Variants in SMS observed in about 807,000 individuals in gnomAD.
SMS encodes spermidine aminopropyltransferase.
Under a neutral mutation model 33.0 loss-of-function variants are expected in SMS, and 3 were observed. The observed-to-expected ratio is 0.09, with a 90% CI of 0.04 to 0.23. The LOEUF is 0.23. SMS is among the 10% of genes least tolerant of loss of function. The pLI is 1.00. For synonymous variants in SMS, 103 were observed against 112.2 expected (o/e 0.92, Z 0.52); for missense variants, 117 against 288.6 (o/e 0.41, Z 4.31).
chrX:21,970,595 G>T (rs1051777787), intron 2 of SMS, among the ~76,000 whole-genome samples: 10 of 109,212 alleles, frequency 9.2e-5, no homozygotes, highest in African/African-American at 3.3e-4. Context: ...TAGAGACAGG[G>T]TCTCACTCTG....
intron 9 of SMS, among the ~76,000 whole-genome samples, chrX:21,988,837 G>A (rs1188076050): frequency 9.0e-6 from 1 of 111,022 alleles, no homozygotes; most frequent in African/African-American, 3.3e-5. Context: ...CAGGAAGCTG[G>A]GGAATGCATC....
chrX:21,983,726 A>G (rs1223861810), intron 7 of SMS, among the ~76,000 whole-genome samples: 1 of 111,762 alleles, frequency 8.9e-6, no homozygotes, highest in African/African-American at 3.3e-5. Context: ...AGTGCTTAGT[A>G]TAAAAGAAAA....
intron 2 of SMS, among the ~76,000 whole-genome samples, chrX:21,969,470 T>C (rs1362132381): frequency 3.6e-5 from 4 of 111,985 alleles, no homozygotes; most frequent in African/African-American, 1.3e-4. Context: ...AGGATTACAC[T>C]GAGCCCCTCC....
intron 1 of SMS, among the ~76,000 whole-genome samples, chrX:21,957,225 TTA>T (rs764531589): frequency 9.1e-6 from 1 of 109,850 alleles, no homozygotes; most frequent in Admixed American, 9.7e-5. Context: ...TACCACAAAT[TTA>T]GTCACCTGAC....
intron 4 of SMS, 97 bp from the exon 5 acceptor site, chrX:21,976,964 G>A: frequency 3.6e-6 from 3 of 825,519 alleles, no homozygotes; most frequent in South Asian, 2.0e-5. Flanking sequence ...GTCAAAAGTC[G>A]GCAGTCATGT....
At chrX:21,972,700 G>T (rs888826833) in intron 4 of SMS, 129 bp downstream of exon 4, 30 of 508,276 alleles carry the variant, frequency 5.9e-5, no homozygotes, top group Non-Finnish European at 9.5e-5. Context: ...CTTGAAGTCA[G>T]GAGTTTGAGA....
chrX:21,945,634 T>TCCCCCCCCCCCCCCCCCCCCCC (rs376720187), intron 1 of SMS, among the ~76,000 whole-genome samples: 4 of 34,137 alleles, frequency 1.2e-4, no homozygotes, highest in African/African-American at 1.8e-4. Context: ...TTGCTTCCCG[T>TCCCCCCCCCCCCCCCCCCCCCC]CCCCCCCCCC....
chrX:21,988,614 G>A (rs1179719970), intron 9 of SMS, among the ~76,000 whole-genome samples: 2 of 101,573 alleles, frequency 2.0e-5, no homozygotes, highest in Non-Finnish European at 4.0e-5. Context: ...GCAGTGAGCC[G>A]AGATCACGCC....
intron 5 of SMS, among the ~76,000 whole-genome samples, chrX:21,977,704 T>G (rs2146947339): frequency 8.9e-6 from 1 of 112,108 alleles, no homozygotes; most frequent in African/African-American, 3.2e-5. Context: ...TGCTTTTAGT[T>G]ATTCGGTATA....
intron 2 of SMS, 150 bp downstream of exon 2, chrX:21,967,466 C>G: frequency 1.7e-6 from 1 of 589,607 alleles, no homozygotes; most frequent in Admixed American, 2.7e-5. Context: ...TCAACCGTAG[C>G]TGCACATCAG....
chrX:21,945,914 C>T (rs1180778925), intron 1 of SMS, among the ~76,000 whole-genome samples: 7 of 111,279 alleles, frequency 6.3e-5, no homozygotes, highest in East Asian at 5.6e-4. Context: ...TGAGCCACCG[C>T]GCCCAGCTCA....
intron 1 of SMS, among the ~76,000 whole-genome samples, chrX:21,963,382 G>T (rs763291640): frequency 8.9e-6 from 1 of 112,227 alleles, no homozygotes; most frequent in Non-Finnish European, 1.9e-5. Flanking sequence ...CCAGGCGGCC[G>T]CACAAATGAA....
rs777680386 is a variant in SMS at position 21,944,522 on chromosome X, C to CAAAAAAA, written c.49+3666_49+3672dup. Among the ~76,000 whole-genome samples the CAAAAAAA allele has an allele frequency of 4.7e-3, 164 of 34,677 alleles. 10 individuals are homozygous for CAAAAAAA. The highest frequency in any genetic ancestry group is 0.011 in the East Asian group (11 of 959). 30.1% of individuals were successfully genotyped at this position (34,677 alleles called of 115,157 possible). On this transcript the variant is annotated intron_variant, in intron 1 of 10. Transcript: ENST00000404933. ...GCAACATGGGAAAAACCTGTCTCTA[C>CAAAAAAA]AAAAAAAAAAAAAAAAAAAAAAAGA...
intron 9 of SMS, among the ~76,000 whole-genome samples, chrX:21,989,678 C>A (rs1475161223): frequency 1.8e-5 from 2 of 111,733 alleles, no homozygotes; most frequent in African/African-American, 3.3e-5. Context: ...CAGATCTACC[C>A]TTTGCTTTCC....
intron 1 of SMS, among the ~76,000 whole-genome samples, chrX:21,950,354 G>A (rs749948874): frequency 1.8e-5 from 2 of 110,183 alleles, no homozygotes; most frequent in South Asian, 7.9e-4. Flanking sequence ...ATTTGGAGCT[G>A]GAGGCTTGAT....
intron 9 of SMS, among the ~76,000 whole-genome samples, chrX:21,986,774 A>G (rs1025168980): frequency 8.9e-6 from 1 of 111,886 alleles, no homozygotes; most frequent in Admixed American, 9.5e-5. Context: ...CATGTTTGTA[A>G]AGTTTTCTTG....
chrX:21,959,143 A>G (rs984810233), intron 1 of SMS, among the ~76,000 whole-genome samples: 4 of 112,576 alleles, frequency 3.6e-5, no homozygotes, highest in Admixed American at 9.4e-5. Context: ...ACATAGGGCT[A>G]TAAAGCCAAG....
chrX:21,994,781 T>C lies in SMS; in HGVS notation c.*430T>C. On this transcript the variant is annotated 3_prime_UTR_variant, in exon 11 of 11. Coordinates refer to ENST00000404933, the MANE Select transcript of SMS (RefSeq NM_004595.5). ...GACTTAGATATTAAAATTTGGTGCT[T>C]ATAAGAGAGAGTTAAAAAAAAATAG... 1 of 739,103 alleles carries C rather than the reference T, an allele frequency of 1.4e-6. No individual in the cohort carries two copies. The allele number at this position is 739,103 out of a possible 1,213,427, so 60.9% of individuals were successfully genotyped here. A position where few individuals can be genotyped will look rare whatever the true frequency, so the allele number is the denominator to read the frequency against.
intron 10 of SMS, among the ~76,000 whole-genome samples, chrX:21,993,562 C>T: frequency 8.9e-6 from 1 of 112,120 alleles, no homozygotes; most frequent in East Asian, 2.8e-4. Context: ...CTGGTCCCAT[C>T]AGGCTGGGGC....
Sources: gnomAD v4.1 joint callset for allele counts (sites outside exome capture counted in the v4.1 genomes callset) on GRCh38, gnomAD v4.1.1 for gene constraint, MANE v1.5 for transcripts, NCBI Gene and HGNC (gene_info 2026-07-23, HGNC 2026-07-21) for gene names.